TANC2: variants seen among roughly 807,000 people sequenced by gnomAD.
TANC2 encodes the protein tetratricopeptide repeat, ankyrin repeat and coiled-coil containing 2.
In TANC2, 26 loss-of-function variants were observed where a neutral mutation model predicts 210.5. The ratio of observed to expected loss-of-function variants is 0.12; its 90% CI spans 0.09 to 0.17. The LOEUF (loss-of-function observed/expected upper bound fraction) is 0.17. Among genes scored for constraint, TANC2 ranks in the 10% least tolerant of loss-of-function variants. The pLI is 1.00. For missense variants in TANC2, 2,129 were observed against 2,608.9 expected, an observed-to-expected ratio of 0.82 and a Z score of 4.01; for synonymous variants, 931 against 967.1, an observed-to-expected ratio of 0.96 and a Z score of 0.69.
chr17:63,074,493 G>A (rs1204518982), intron 3 of TANC2, among the ~76,000 whole-genome samples: 1 of 151,896 alleles, frequency 6.6e-6, no homozygotes, highest in African/African-American at 2.4e-5. Flanking sequence ...AATTTTTGAA[G>A]GGACAACTTC....
intron 8 of TANC2, among the ~76,000 whole-genome samples, chr17:63,249,275 A>C (rs1330727732): frequency 6.6e-6 from 1 of 152,212 alleles, no homozygotes; most frequent in Non-Finnish European, 1.5e-5. Flanking sequence ...TAAAATATTA[A>C]AAAGATTTAA....
chr17:63,351,200 T>C, intron 12 of TANC2, 50 bp from the exon 13 acceptor site: 1 of 1,476,004 alleles, frequency 6.8e-7, no homozygotes, highest in Non-Finnish European at 9.2e-7. Context: ...CAGTAAGAAC[T>C]CATTTATCCA....
chr17:63,359,671 TTGAA>T (rs1203343535), intron 14 of TANC2, among the ~76,000 whole-genome samples: 1 of 152,170 alleles, frequency 6.6e-6, no homozygotes, highest in Non-Finnish European at 1.5e-5. Context: ...TTTTAAATGT[TTGAA>T]TAAGATACAA....
chr17:63,411,581 C>T, exon 22 of TANC2: 1 of 1,613,992 alleles, frequency 6.2e-7, no homozygotes, highest in Non-Finnish European at 8.5e-7. Flanking sequence ...AGGGCCATCT[C>T]TCAGTAGTAC....
chr17:63,059,387 G>A (rs934685554), intron 2 of TANC2, among the ~76,000 whole-genome samples: 1 of 152,162 alleles, frequency 6.6e-6, no homozygotes, highest in Non-Finnish European at 1.5e-5. Flanking sequence ...CTTTGGCAAA[G>A]CTGTAGTTGT....
Position 63,347,299 on chromosome 17 carries a change from T to C in TANC2, c.1808-3951T>C, listed in dbSNP as rs552171039. On this transcript the variant is annotated intron_variant, in intron 12 of 27. Coordinates refer to ENST00000689528, the Ensembl canonical transcript of TANC2. Reference sequence around the variant, plus strand: ...GAAACGTGTTAGGCAAAAGAACAAGTGTCTGCAGTGATAGAAATAAGAACA... The same window carrying C: ...GAAACGTGTTAGGCAAAAGAACAAGCGTCTGCAGTGATAGAAATAAGAACA... 6.6e-5 allele frequency among the ~76,000 whole-genome samples: 10 copies of C among 152,246 alleles called. No homozygotes were observed. The South Asian group carries it at 2.1e-3, about 32-fold the overall frequency.
chr17:63,111,094 C>T (rs893622077), intron 4 of TANC2, among the ~76,000 whole-genome samples: 1 of 152,096 alleles, frequency 6.6e-6, no homozygotes, highest in Non-Finnish European at 1.5e-5. Flanking sequence ...GGAGGATTTC[C>T]TGAGCTCAGG....
chr17:63,205,847 G>A (rs575048684), intron 7 of TANC2, among the ~76,000 whole-genome samples: 1 of 152,206 alleles, frequency 6.6e-6, no homozygotes, highest in South Asian at 2.1e-4. Context: ...AGCAGAGGTG[G>A]CAGTGAGCTG....
chr17:63,318,986 A>T (rs577705394), exon 11 of TANC2: 12 of 1,613,250 alleles, frequency 7.4e-6, no homozygotes, highest in Non-Finnish European at 1.0e-5. Context: ...GCTGCCACTC[A>T]CACAGCCACC....
intron 4 of TANC2, among the ~76,000 whole-genome samples, chr17:63,103,659 G>C (rs1410633914): frequency 6.6e-6 from 1 of 152,146 alleles, no homozygotes; most frequent in Non-Finnish European, 1.5e-5. Context: ...GTGTTTAAGG[G>C]CTCAGAAAGT....
intron 4 of TANC2, among the ~76,000 whole-genome samples, chr17:63,112,946 T>A (rs1383288120): frequency 6.6e-6 from 1 of 152,140 alleles, no homozygotes; most frequent in Non-Finnish European, 1.5e-5. Context: ...TATGCCATGG[T>A]CCCTAGGAAG....
intron 19 of TANC2, among the ~76,000 whole-genome samples, chr17:63,400,652 CT>C (rs35916981): frequency 2.7e-5 from 4 of 147,544 alleles, no homozygotes; most frequent in Admixed American, 1.3e-4. Flanking sequence ...TTTTTTTTTT[CT>C]TTTTTTTTGA....
chr17:63,008,098 TG>T (rs1028812050), intron 1 of TANC2, among the ~76,000 whole-genome samples: 2 of 152,002 alleles, frequency 1.3e-5, no homozygotes, highest in African/African-American at 4.8e-5. Flanking sequence ...ATGTGTTTTT[TG>T]GGGGTCTGGC....
intron 12 of TANC2, among the ~76,000 whole-genome samples, chr17:63,345,759 G>A (rs1451095930): frequency 2.6e-5 from 4 of 152,182 alleles, no homozygotes; most frequent in African/African-American, 4.8e-5. Context: ...GTTTCAAGAC[G>A]TACAGAATTA....
chr17:63,312,398 A>G lies in TANC2; in HGVS notation c.1160-1990A>G, dbSNP rs190210277. 8.8e-3 allele frequency among the ~76,000 whole-genome samples: 1,345 copies of G among 152,314 alleles called. 10 individuals are homozygous for G. The highest frequency in any genetic ancestry group is 0.019 in the South Asian group (94 of 4,826). ...CTATATAGCCATAAAAAAGAATGGA[A>G]TCATGTCCTTTGCAGGATCATGGAT... On this transcript the variant is annotated intron_variant, in intron 9 of 27. Coordinates refer to ENST00000689528, the Ensembl canonical transcript of TANC2.
At chr17:62,967,845 G>A (rs2031445965) in intron 1 of TANC2, among the ~76,000 whole-genome samples, 1 of 148,352 alleles carries the variant, frequency 6.7e-6, no homozygotes, top group South Asian at 2.2e-4. Context: ...AAAAAAAAAA[G>A]AATACAGTAA....
chr17:63,368,940 A>C (rs147796378), intron 14 of TANC2, among the ~76,000 whole-genome samples: 2 of 152,334 alleles, frequency 1.3e-5, no homozygotes, highest in African/African-American at 4.8e-5. Flanking sequence ...GGCAACTTAA[A>C]GTCCTTTTTG....
intron 8 of TANC2, among the ~76,000 whole-genome samples, chr17:63,253,677 A>G (rs2043112635): frequency 6.6e-6 from 1 of 152,102 alleles, no homozygotes; most frequent in African/African-American, 2.4e-5. Context: ...CAGTGGCACA[A>G]TTATGGCTCA....
chr17:63,184,975 G>GTT (rs796115856), intron 5 of TANC2, among the ~76,000 whole-genome samples: 2 of 141,820 alleles, frequency 1.4e-5, no homozygotes, highest in Admixed American at 7.1e-5. Flanking sequence ...CAGTAATACG[G>GTT]TTTTTTTTTT....
Sources: gnomAD v4.1 joint callset for allele counts (sites outside exome capture counted in the v4.1 genomes callset) on GRCh38, gnomAD v4.1.1 for gene constraint, MANE v1.5 for transcripts, NCBI Gene and HGNC (gene_info 2026-07-23, HGNC 2026-07-21) for gene names.